The following LIN7A variants were observed in gnomAD, a reference collection of about 807,000 sequenced individuals.
The protein encoded by LIN7A is lin-7 cell polarity scaffold A.
In LIN7A, 25 loss-of-function variants were observed where a neutral mutation model predicts 29.8. The ratio of observed to expected loss-of-function variants is 0.84; its 90% confidence interval spans 0.61 to 1.17. The LOEUF (loss-of-function observed/expected upper bound fraction) is 1.17, where lower values mean the gene tolerates loss of function less well. Among genes scored for constraint, LIN7A ranks in the 50% most tolerant of loss-of-function variants. LIN7A has a pLI of 0.00. For synonymous variants in LIN7A, 118 were observed against 107.5 expected, an observed-to-expected ratio of 1.10 and a Z score of -0.60; for missense variants, 239 against 287.0, an observed-to-expected ratio of 0.83 and a Z score of 1.21.
chr12:80,806,539 T>C (rs117028994), intron 5 of LIN7A, among the ~76,000 whole-genome samples: 1,787 of 152,336 alleles, frequency 0.012, 30 homozygotes, highest in South Asian at 0.081. Flanking sequence ...TAAAAAAACA[T>C]ATTATTTCTA....
chr12:80,913,500 TTG>T (rs1277549636), intron 1 of LIN7A, among the ~76,000 whole-genome samples: 2 of 152,132 alleles, frequency 1.3e-5, no homozygotes, highest in Non-Finnish European at 2.9e-5. Context: ...GAGCCTGGGA[TTG>T]TGATCTTGAT....
Position 80,880,554 on chromosome 12 carries a change from C to T in LIN7A, c.201+8697G>A, listed in dbSNP as rs146391092. Among the ~76,000 whole-genome samples, 12 of 152,284 alleles carry T rather than the reference C, an allele frequency of 7.9e-5. No homozygotes were observed. The East Asian group carries it at 2.3e-3, about 29-fold the overall frequency. On this transcript the variant is annotated intron_variant, in intron 2 of 5. Coordinates refer to ENST00000552864, the MANE Select transcript of LIN7A (RefSeq NM_004664.4). ...CAAAGCATCTTTTTAGAATAATTAT[C>T]AGTGTCTTTCACACGAATGCATGCT...
At chr12:80,929,583 T>C (rs375058754) in intron 1 of LIN7A, among the ~76,000 whole-genome samples, 18 of 152,284 alleles carry the variant, frequency 1.2e-4, no homozygotes, top group African/African-American at 3.1e-4. Flanking sequence ...GTGAGAGTTG[T>C]GGGGTCATGA....
chr12:80,882,990 T>C (rs1265233168), intron 2 of LIN7A, among the ~76,000 whole-genome samples: 1 of 152,208 alleles, frequency 6.6e-6, no homozygotes, highest in African/African-American at 2.4e-5. Flanking sequence ...CAATATTCTT[T>C]CTGCACTTTT....
intron 2 of LIN7A, among the ~76,000 whole-genome samples, chr12:80,856,039 C>T (rs1190245202): frequency 6.6e-6 from 1 of 151,972 alleles, no homozygotes; most frequent in Non-Finnish European, 1.5e-5. Context: ...TGTTAGAATT[C>T]CTATAAACTA....
At chr12:80,826,608 C>CCCCT (rs902210947) in intron 4 of LIN7A, among the ~76,000 whole-genome samples, 2 of 152,086 alleles carry the variant, frequency 1.3e-5, no homozygotes, top group African/African-American at 4.8e-5. Flanking sequence ...CTGCAACTTT[C>CCCCT]CCCTCCTGAG....
chr12:80,924,300 T>C (rs1215533473), intron 1 of LIN7A, among the ~76,000 whole-genome samples: 2 of 152,150 alleles, frequency 1.3e-5, no homozygotes, highest in Non-Finnish European at 2.9e-5. Flanking sequence ...AAAGCTTTCA[T>C]AGATGGCAAG....
At chr12:80,896,335 T>C (rs1375044860) in intron 1 of LIN7A, among the ~76,000 whole-genome samples, 5 of 152,186 alleles carry the variant, frequency 3.3e-5, no homozygotes, top group Admixed American at 1.3e-4. Flanking sequence ...GGTAAATAAA[T>C]AACACTGGCT....
At chr12:80,860,856 A>G (rs899603763) in intron 2 of LIN7A, 1 of 152,216 alleles carries the variant, frequency 6.6e-6, no homozygotes. Flanking sequence ...CTATCTTTGC[A>G]TTAAGTTTCT....
intron 5 of LIN7A, among the ~76,000 whole-genome samples, chr12:80,805,835 A>G (rs1033252881): frequency 6.6e-6 from 1 of 151,806 alleles, no homozygotes; most frequent in African/African-American, 2.4e-5. Context: ...GTGATAGTGA[A>G]TAAGTCTCAC....
chr12:80,912,713 C>CA (rs5799498), intron 1 of LIN7A, among the ~76,000 whole-genome samples: 9,356 of 135,154 alleles, frequency 0.069, 1,186 homozygotes, highest in African/African-American at 0.27. Flanking sequence ...AGACTTGTCT[C>CA]AAAAAAAAAA....
chr12:80,840,249 C>T (rs1177336418), intron 4 of LIN7A, among the ~76,000 whole-genome samples: 1 of 152,194 alleles, frequency 6.6e-6, no homozygotes, highest in East Asian at 1.9e-4. Context: ...TAACATCTTA[C>T]AAAATCATAT....
At chr12:80,912,723 A>AG (rs1876823573) in intron 1 of LIN7A, among the ~76,000 whole-genome samples, 2 of 151,536 alleles carry the variant, frequency 1.3e-5, no homozygotes, top group South Asian at 4.2e-4. Flanking sequence ...CAAAAAAAAA[A>AG]AAAAAAGAAA....
intron 2 of LIN7A, among the ~76,000 whole-genome samples, chr12:80,888,732 C>T (rs989561984): frequency 3.3e-5 from 5 of 152,152 alleles, no homozygotes; most frequent in Non-Finnish European, 5.9e-5. Flanking sequence ...TTTCAACATA[C>T]TTGTTTCACC....
chr12:80,920,256 A>G (rs959103417), intron 1 of LIN7A, among the ~76,000 whole-genome samples: 2 of 152,212 alleles, frequency 1.3e-5, no homozygotes, highest in African/African-American at 4.8e-5. Flanking sequence ...TATGATATCC[A>G]TGTGTCACAA....
chr12:80,838,646 A>G (rs1378594074), intron 4 of LIN7A, among the ~76,000 whole-genome samples: 7 of 152,246 alleles, frequency 4.6e-5, no homozygotes, highest in Non-Finnish European at 1.0e-4. Flanking sequence ...CTATTTAATT[A>G]TAACCTAAAC....
Position 80,815,459 on chromosome 12 carries a change from C to G in LIN7A, c.484-3776G>C, listed in dbSNP as rs1005363865. ...CTTTTGACTTAGTCTGTGTCTCACT[C>G]TTAATGAAAGTATGCATCATTTCTA... On this transcript the variant is annotated intron_variant, in intron 4 of 5. Transcript: ENST00000552864. Among the ~76,000 whole-genome samples the G allele has an allele frequency of 5.3e-5, 8 of 152,292 alleles. 1 individual carries two copies. Among genetic ancestry groups the G allele is most frequent in the Admixed American group, 3.9e-4 (6 of 15,290 alleles).
At chr12:80,853,356 A>G (rs1026905996) in intron 2 of LIN7A, among the ~76,000 whole-genome samples, 1 of 152,156 alleles carries the variant, frequency 6.6e-6, no homozygotes, top group African/African-American at 2.4e-5. Context: ...AAACTCTTTG[A>G]AAAACACTGT....
chr12:80,832,784 A>G (rs1872430299), intron 4 of LIN7A, among the ~76,000 whole-genome samples: 1 of 152,148 alleles, frequency 6.6e-6, no homozygotes, highest in Non-Finnish European at 1.5e-5. Context: ...TTAATATTGT[A>G]GCTACTATAT....
Sources: allele counts gnomAD v4.1 joint callset (sites outside exome capture counted in the v4.1 genomes callset), GRCh38; gene constraint gnomAD v4.1.1; transcripts MANE v1.5; gene names NCBI Gene and HGNC (gene_info 2026-07-23, HGNC 2026-07-21).